Variants in GALNT18 observed in about 807,000 individuals in gnomAD.
GALNT18 encodes the protein GalNAc-transferase 18.
In GALNT18, 44 loss-of-function variants were observed where a neutral mutation model predicts 69.5. The ratio of observed to expected loss-of-function variants is 0.63; its 90% confidence interval spans 0.50 to 0.81. The LOEUF is 0.81. Ranked by LOEUF, GALNT18 falls within the 40% of genes least tolerant of loss-of-function variation. GALNT18 has a pLI of 0.00. For synonymous variants in GALNT18, 364 were observed against 318.2 expected (o/e 1.14, Z -1.53); for missense variants, 715 against 810.0 (o/e 0.88, Z 1.42).
intron 3 of GALNT18, among the ~76,000 whole-genome samples, chr11:11,390,732 T>G (rs970085782): frequency 6.6e-6 from 1 of 152,226 alleles, no homozygotes; most frequent in Non-Finnish European, 1.5e-5. Context: ...AGGGGTCCCA[T>G]GAAGGACCAG....
chr11:11,594,856 T>TAC (rs111773653), intron 1 of GALNT18, among the ~76,000 whole-genome samples: 43,119 of 85,742 alleles, frequency 0.5, 8,327 homozygotes, highest in East Asian at 0.75. Context: ...TATACATACA[T>TAC]ACACACACAT....
chr11:11,588,877 G>A (rs1055621818), intron 1 of GALNT18, among the ~76,000 whole-genome samples: 8 of 152,142 alleles, frequency 5.3e-5, no homozygotes, highest in Admixed American at 3.9e-4. Context: ...AATTACCATC[G>A]AACAAGCAGT....
intron 3 of GALNT18, among the ~76,000 whole-genome samples, chr11:11,403,959 G>A (rs6416089): frequency 0.51 from 77,331 of 152,124 alleles, 20,885 homozygotes; most frequent in East Asian, 0.84. Context: ...TTAGATGGTC[G>A]GAGGATCCCT....
At chr11:11,536,513 G>A (rs1231967061) in intron 1 of GALNT18, among the ~76,000 whole-genome samples, 1 of 152,162 alleles carries the variant, frequency 6.6e-6, no homozygotes, top group Non-Finnish European at 1.5e-5. Context: ...CACCTCACTA[G>A]GATCTGATCA....
rs763378207 is a variant in GALNT18 at position 11,605,556 on chromosome 11, A to G, written c.235+15803T>C. Among the ~76,000 whole-genome samples, 1 of 152,102 alleles carries G rather than the reference A, an allele frequency of 6.6e-6. No homozygotes were observed. The highest frequency in any genetic ancestry group is 1.5e-5 in the Non-Finnish European group (1 of 68,018). On this transcript the variant is annotated intron_variant, in intron 1 of 10. Transcript: ENST00000227756. The surrounding 1 kb of genome is among the most constrained non-coding windows in gnomAD (Gnocchi z 4.7). ...GCTTCAGAGGGAAAGCCAGAGGCCA[A>G]CTTCCCTTTACCTCTGGGGTCCCAA... is the stretch of plus-strand genomic sequence containing the variant.
chr11:11,411,948 G>A (rs9299919), intron 3 of GALNT18, among the ~76,000 whole-genome samples: 67,529 of 152,082 alleles, frequency 0.44, 18,116 homozygotes, highest in Non-Finnish European at 0.62. Flanking sequence ...ATTGGGGAAT[G>A]GGACCTCATA....
intron 10 of GALNT18, among the ~76,000 whole-genome samples, chr11:11,285,995 C>A (rs984953121): frequency 6.6e-6 from 1 of 152,190 alleles, no homozygotes; most frequent in Non-Finnish European, 1.5e-5. Context: ...CCTTTCCTGG[C>A]ATTAACAGAC....
intron 2 of GALNT18, among the ~76,000 whole-genome samples, chr11:11,448,286 T>G (rs1855705833): frequency 6.6e-6 from 1 of 152,134 alleles, no homozygotes; most frequent in South Asian, 2.1e-4. Flanking sequence ...TAGTAAGAAT[T>G]CTCACTGAAC....
intron 1 of GALNT18, among the ~76,000 whole-genome samples, chr11:11,520,610 C>T (rs772634292): frequency 2.6e-5 from 4 of 152,178 alleles, no homozygotes; most frequent in Admixed American, 2.6e-4. Context: ...AGAAGGGCAG[C>T]AGGACGCTGA....
In GALNT18 at chr11:11,497,327, A is replaced by ACACACACACACAC. The variant is rs1856884058; in HGVS notation, c.236-48392_236-48391insGTGTGTGTGTGTG. ...TATTTATGTTTTACCTCCTGTCTCCAACACACACACACACACACACACACA... is the reference window on the plus strand; with the variant it reads ...TATTTATGTTTTACCTCCTGTCTCCACACACACACACACACACACACACACACACACACACACA... On this transcript the variant is annotated intron_variant, in intron 1 of 10. Transcript: ENST00000227756. This position sits in a 1 kb window ranked among gnomAD's most constrained non-coding sequence, Gnocchi z 4.2. Among the ~76,000 whole-genome samples, 6 of 132,228 alleles carry ACACACACACACAC rather than the reference A, an allele frequency of 4.5e-5. No individual in the cohort carries two copies. Among genetic ancestry groups the ACACACACACACAC allele is most frequent in the East Asian group, 2.3e-4 (1 of 4,346 alleles). 86.7% of individuals were successfully genotyped at this position (132,228 alleles called of 152,430 possible). A position where few individuals can be genotyped will look rare whatever the true frequency, so the allele number is the denominator to read the frequency against.
chr11:11,496,540 T>C lies in GALNT18; in HGVS notation c.236-47604A>G, dbSNP rs1348070965. Among the ~76,000 whole-genome samples, 6 of 152,184 alleles carry C rather than the reference T, an allele frequency of 3.9e-5. No individual in the cohort carries two copies. Among genetic ancestry groups the C allele is most frequent in the Admixed American group, 3.9e-4 (6 of 15,284 alleles). ...AGATTTCCTCTTCATCAATTCTACT[T>C]TTCTAAAGAACAAGCAGCTTGCTAT... is the stretch of plus-strand genomic sequence containing the variant. On this transcript the variant is annotated intron_variant, in intron 1 of 10. Transcript: ENST00000227756. The surrounding 1 kb of genome is among the most constrained non-coding windows in gnomAD (Gnocchi z 4.0).
At chr11:11,423,074 G>A (rs12293713) in intron 3 of GALNT18, among the ~76,000 whole-genome samples, 14,154 of 152,050 alleles carry the variant, frequency 0.093, 908 homozygotes, top group East Asian at 0.13. Context: ...GCGTAAGTGC[G>A]CACACACAGG....
Position 11,545,292 on chromosome 11 carries a change from A to C in GALNT18, c.235+76067T>G, listed in dbSNP as rs527617444. Among the ~76,000 whole-genome samples the C allele has an allele frequency of 3.7e-3, 567 of 152,352 alleles. 4 individuals are homozygous for C. The highest frequency in any genetic ancestry group is 5.0e-3 in the Non-Finnish European group (342 of 68,038). On this transcript the variant is annotated intron_variant, in intron 1 of 10. Transcript: ENST00000227756. ...AAGTAAAGAACAATGAGATGGAAAA[A>C]GCAACAACCGAAACCAGTCTTAGCC...
rs2088167768 is a variant in GALNT18 at position 11,387,501 on chromosome 11, A to C, written c.596-8237T>G. Among the ~76,000 whole-genome samples the C allele has an allele frequency of 6.6e-6, 1 of 152,174 alleles. No individual in the cohort carries two copies. The highest frequency in any genetic ancestry group is 2.4e-5 in the African/African-American group (1 of 41,440). On this transcript the variant is annotated intron_variant, in intron 3 of 10. Transcript: ENST00000227756. The surrounding 1 kb of genome is among the most constrained non-coding windows in gnomAD (Gnocchi z 4.6). ...CAAGTGCAATTAATTGCTTGTCTCC[A>C]ATGGTGCTAATTTAAAGATTAAAAG...
chr11:11,473,827 G>A (rs1452773993), intron 1 of GALNT18, among the ~76,000 whole-genome samples: 1 of 152,228 alleles, frequency 6.6e-6, no homozygotes, highest in Non-Finnish European at 1.5e-5. Context: ...CACTTTGTGA[G>A]GCCGAAGTGG....
intron 6 of GALNT18, chr11:11,353,258 C>G: frequency 1.9e-6 from 2 of 1,027,358 alleles, no homozygotes; most frequent in Non-Finnish European, 2.9e-6. Flanking sequence ...CGGCTGTGGC[C>G]GCTCTCCCTT....
chr11:11,447,592 G>A (rs926390476), intron 2 of GALNT18, among the ~76,000 whole-genome samples: 53 of 152,204 alleles, frequency 3.5e-4, no homozygotes, highest in Non-Finnish European at 1.3e-4. Context: ...TTGACTCACA[G>A]TTCTGCATGG....
chr11:11,318,214 G>A lies in GALNT18; in HGVS notation c.1512+8872C>T, dbSNP rs1849788417. Among the ~76,000 whole-genome samples, 1 of 152,080 alleles carries A rather than the reference G, an allele frequency of 6.6e-6. No homozygotes were observed. Among genetic ancestry groups the A allele is most frequent in the Non-Finnish European group, 1.5e-5 (1 of 68,028 alleles). On this transcript the variant is annotated intron_variant, in intron 9 of 10. Transcript: ENST00000227756. This position sits in a 1 kb window ranked among gnomAD's most constrained non-coding sequence, Gnocchi z 5.1. The stretch of plus-strand genomic sequence containing the variant: ...CACTCTTCCCATTTGGAGGTGAACT[G>A]GGTTGGATTGTGTCACCCCAAAATT...
intron 1 of GALNT18, among the ~76,000 whole-genome samples, chr11:11,612,875 T>C (rs150937622): frequency 1.6e-3 from 246 of 152,324 alleles, no homozygotes; most frequent in African/African-American, 5.7e-3. Flanking sequence ...AAACACTGTA[T>C]TTCTGTGAGC....
Sources: gnomAD v4.1 joint callset for allele counts (sites outside exome capture counted in the v4.1 genomes callset) on GRCh38, gnomAD v4.1.1 for gene constraint, Gnocchi (gnomAD v3.1) non-coding constraint, MANE v1.5 for transcripts, NCBI Gene and HGNC (gene_info 2026-07-23, HGNC 2026-07-21) for gene names.